MFN1: variants seen among roughly 807,000 people sequenced by gnomAD.
MFN1 encodes mitofusin-1.
MFN1 carries 65 observed loss-of-function variants against 92.4 expected under a neutral mutation model. The ratio of observed to expected loss-of-function variants is 0.70; its 90% CI spans 0.58 to 0.86. The LOEUF (loss-of-function observed/expected upper bound fraction) is 0.86, where lower values mean the gene tolerates loss of function less well. Among genes scored for constraint, MFN1 ranks in the 40% least tolerant of loss-of-function variants. The probability of loss-of-function intolerance (pLI) is 0.00; values close to 1 mark genes in which losing one functional copy is unlikely to be tolerated. For missense variants in MFN1, 781 were observed against 868.0 expected (o/e 0.90, Z 1.26); for synonymous variants, 297 against 300.9 (o/e 0.99, Z 0.13).
chr3:179,354,922 T>C (rs1712289405), intron 3 of MFN1, among the ~76,000 whole-genome samples: 1 of 152,038 alleles, frequency 6.6e-6, no homozygotes. Context: ...AGCCTCCCTA[T>C]AGTAGCTGGG....
At chr3:179,353,220 A>ATT (rs34658521) in intron 3 of MFN1, among the ~76,000 whole-genome samples, 3,221 of 130,846 alleles carry the variant, frequency 0.025, 144 homozygotes, top group African/African-American at 0.086. Context: ...CACCTGGCTA[A>ATT]TTTTTTTTTT....
rs201033363 is a variant in MFN1 at position 179,367,998 on chromosome 3, A to G, written c.908-38A>G. ...AGCCTACCAGAAAACATATCTTGCT[A>G]CATACTAGGTTTTTAAATCTTTGCC... On this transcript the variant is annotated intron_variant, in intron 8 of 17. Coordinates refer to ENST00000471841, the MANE Select transcript of MFN1 (RefSeq NM_033540.3). 1,557 of 1,378,924 alleles carry G rather than the reference A, an allele frequency of 1.1e-3. 2 individuals are homozygous for G. The highest frequency in any genetic ancestry group is 1.4e-3 in the Non-Finnish European group (1,466 of 1,047,286). 85.4% of individuals were successfully genotyped at this position (1,378,924 alleles called of 1,614,324 possible). A position where few individuals can be genotyped will look rare whatever the true frequency, so the allele number is the denominator to read the frequency against.
At chr3:179,361,428 A>G (rs1056279663) in intron 4 of MFN1, among the ~76,000 whole-genome samples, 14 of 152,148 alleles carry the variant, frequency 9.2e-5, no homozygotes, top group African/African-American at 3.4e-4. Context: ...TGAATGTAGC[A>G]TTCAGTAGTT....
At chr3:179,369,492 A>C (rs1210916386) in intron 9 of MFN1, among the ~76,000 whole-genome samples, 1 of 152,208 alleles carries the variant, frequency 6.6e-6, no homozygotes, top group East Asian at 1.9e-4. Context: ...ATAATGTATA[A>C]TTGTGTAATG....
intron 9 of MFN1, among the ~76,000 whole-genome samples, chr3:179,370,240 C>A (rs147125930): frequency 0.028 from 4,272 of 151,758 alleles, 173 homozygotes; most frequent in Admixed American, 0.11. Flanking sequence ...TTTCTCACTT[C>A]TATATTTAAA....
rs1714010623 is a variant in MFN1 at position 179,394,302 on chromosome 3, A to C, written c.*2243A>C. The C allele has an allele frequency of 6.6e-6, 1 of 151,056 alleles. No homozygotes were observed. Among genetic ancestry groups the C allele is most frequent in the African/African-American group, 2.4e-5 (1 of 41,066 alleles). 9.4% of individuals were successfully genotyped at this position (151,056 alleles called of 1,614,324 possible). The stretch of plus-strand genomic sequence containing the variant: ...GTGAAATTGGGGTACCACTGGTATT[A>C]GGTTTGGTATGGCAACTTTTTCATC... On this transcript the variant is annotated 3_prime_UTR_variant, in exon 18 of 18. Coordinates refer to ENST00000471841, the MANE Select transcript of MFN1 (RefSeq NM_033540.3).
At chr3:179,369,687 C>G (rs1712945386) in intron 9 of MFN1, among the ~76,000 whole-genome samples, 1 of 152,264 alleles carries the variant, frequency 6.6e-6, no homozygotes, top group Admixed American at 6.5e-5. Context: ...CTGACCTATC[C>G]TATCCCCAAC....
intron 3 of MFN1, among the ~76,000 whole-genome samples, chr3:179,355,739 G>A (rs1712323850): frequency 6.6e-6 from 1 of 152,016 alleles, no homozygotes; most frequent in African/African-American, 2.4e-5. Flanking sequence ...ATCACCTGAG[G>A]TCAGGAGTTT....
chr3:179,361,608 C>T (rs1340463680), intron 4 of MFN1, among the ~76,000 whole-genome samples: 1 of 150,866 alleles, frequency 6.6e-6, no homozygotes, highest in Admixed American at 6.6e-5. Context: ...GTGATCTTGG[C>T]TCACTGCAAC....
chr3:179,386,238 C>T lies in MFN1; in HGVS notation c.1816-195C>T, dbSNP rs577510623. Reference sequence around the variant, plus strand: ...GATAAGTCTGGCAGCTTATAAAGCTCTCCCTCATTTGTGTGCTGATCCCTT... The same window carrying T: ...GATAAGTCTGGCAGCTTATAAAGCTTTCCCTCATTTGTGTGCTGATCCCTT... On this transcript the variant is annotated intron_variant, in intron 15 of 17. Transcript: ENST00000471841. Among the ~76,000 whole-genome samples the T allele has an allele frequency of 4.6e-5, 7 of 152,248 alleles. No individual in the cohort carries two copies. In the South Asian group the frequency reaches 1.5e-3, roughly 32 times the overall value.
intron 15 of MFN1, among the ~76,000 whole-genome samples, chr3:179,386,192 T>G (rs962072130): frequency 1.3e-5 from 2 of 152,234 alleles, no homozygotes; most frequent in Non-Finnish European, 2.9e-5. Flanking sequence ...ATTGTTTTAT[T>G]TTTGAGATAC....
chr3:179,393,415 A>T lies in MFN1; in HGVS notation c.*1356A>T, dbSNP rs1248823824. 1 of 152,038 alleles carries T rather than the reference A, an allele frequency of 6.6e-6. No individual in the cohort carries two copies. The highest frequency in any genetic ancestry group is 1.5e-5 in the Non-Finnish European group (1 of 68,012). 9.4% of individuals were successfully genotyped at this position (152,038 alleles called of 1,614,324 possible). A position where few individuals can be genotyped will look rare whatever the true frequency, so the allele number is the denominator to read the frequency against. ...TTTTCATGGGAGGGATAAAATTTAA[A>T]GCTTTTTTTTTCTTTGAATACAGTC... On this transcript the variant is annotated 3_prime_UTR_variant, in exon 18 of 18. Coordinates refer to ENST00000471841, the MANE Select transcript of MFN1 (RefSeq NM_033540.3).
At position 179,365,239 on chromosome 3, in the gene MFN1, T is replaced by C; in HGVS notation, c.753+14T>C. 3 of 1,452,522 alleles carry C rather than the reference T, an allele frequency of 2.1e-6. No homozygotes were observed. The highest frequency in any genetic ancestry group is 2.8e-6 in the Non-Finnish European group (3 of 1,083,914). The allele number at this position is 1,452,522 out of a possible 1,614,324, so 90.0% of individuals were successfully genotyped here. A position where few individuals can be genotyped will look rare whatever the true frequency, so the allele number is the denominator to read the frequency against. ...TATATGGAAGACGTAAGTTGTTATT[T>C]TTTTTTTTGTAGGTTTTGAAATACA... On this transcript the variant is annotated intron_variant, in intron 7 of 17. Coordinates refer to ENST00000471841, the MANE Select transcript of MFN1 (RefSeq NM_033540.3).
chr3:179,363,919 T>TA lies in MFN1; in HGVS notation c.537-377dup, dbSNP rs574044901. Reference sequence around the variant, plus strand: ...AATTTTTTAACTTTTTACAAATATTTATTGTTGGCAAATTCTTCACTGCAG... The same window carrying TA: ...AATTTTTTAACTTTTTACAAATATTTAATTGTTGGCAAATTCTTCACTGCAG... On this transcript the variant is annotated intron_variant, in intron 5 of 17. Transcript: ENST00000471841. Among the ~76,000 whole-genome samples, 6 of 152,152 alleles carry TA rather than the reference T, an allele frequency of 3.9e-5. No individual in the cohort carries two copies. In the South Asian group the frequency reaches 1.2e-3, roughly 31 times the overall value.
chr3:179,367,183 C>G (rs911862381), intron 7 of MFN1, among the ~76,000 whole-genome samples: 1 of 152,218 alleles, frequency 6.6e-6, no homozygotes, highest in African/African-American at 2.4e-5. Flanking sequence ...GCCTTGGCCT[C>G]CCAAAGTGCT....
At chr3:179,357,511 G>A (rs775183732) in intron 3 of MFN1, among the ~76,000 whole-genome samples, 10 of 152,140 alleles carry the variant, frequency 6.6e-5, no homozygotes, top group Non-Finnish European at 1.2e-4. Context: ...AGGGAGTTGG[G>A]AATGATATCC....
intron 2 of MFN1, among the ~76,000 whole-genome samples, 190 bp downstream of exon 2, chr3:179,349,153 C>T (rs1021364125): frequency 3.3e-5 from 5 of 152,122 alleles, no homozygotes; most frequent in Non-Finnish European, 7.4e-5. Context: ...CAACTAAGAA[C>T]TTTAGTATAT....
intron 9 of MFN1, among the ~76,000 whole-genome samples, chr3:179,369,542 G>T (rs373390932): frequency 6.6e-6 from 1 of 152,052 alleles, no homozygotes; most frequent in African/African-American, 2.4e-5. Context: ...TTGGTTCATG[G>T]TATAGCTTGT....
intron 3 of MFN1, among the ~76,000 whole-genome samples, chr3:179,353,161 C>G (rs2108524154): frequency 6.6e-6 from 1 of 151,026 alleles, no homozygotes; most frequent in East Asian, 2.0e-4. Flanking sequence ...TCAAGCAATT[C>G]TCCTGCCTCA....
Sources: allele counts gnomAD v4.1 joint callset (sites outside exome capture counted in the v4.1 genomes callset), GRCh38; gene constraint gnomAD v4.1.1; transcripts MANE v1.5; gene names NCBI Gene and HGNC (gene_info 2026-07-23, HGNC 2026-07-21).